ADGRG7: variants seen among roughly 807,000 people sequenced by gnomAD.
The protein encoded by ADGRG7 is adhesion G protein-coupled receptor G7, also known as G-protein coupled receptor 128.
ADGRG7 carries 82 observed loss-of-function variants against 88.6 expected under a neutral mutation model. The observed-to-expected ratio is 0.93, with a 90% CI of 0.77 to 1.11. ADGRG7 has a LOEUF of 1.11. ADGRG7 is among the 50% of genes most tolerant of loss of function. ADGRG7 has a pLI of 0.00. For missense variants in ADGRG7, 945 were observed against 953.4 expected, an observed-to-expected ratio of 0.99 and a Z score of 0.12; for synonymous variants, 381 against 345.2, an observed-to-expected ratio of 1.10 and a Z score of -1.15.
chr3:100,690,864 G>A (rs964230828), intron 15 of ADGRG7, among the ~76,000 whole-genome samples: 4 of 152,286 alleles, frequency 2.6e-5, no homozygotes, highest in South Asian at 2.1e-4. Flanking sequence ...CTCAAGCTGT[G>A]TGCTGGGAGA....
At chr3:100,649,393 T>C (rs1330557277) in intron 10 of ADGRG7, among the ~76,000 whole-genome samples, 1 of 152,224 alleles carries the variant, frequency 6.6e-6, no homozygotes, top group Non-Finnish European at 1.5e-5. Context: ...TGAGTATCCA[T>C]GGCTTTTGGC....
At chr3:100,671,931 C>G (rs9871684) in intron 15 of ADGRG7, among the ~76,000 whole-genome samples, 5,708 of 152,200 alleles carry the variant, frequency 0.038, 372 homozygotes, top group African/African-American at 0.13. Context: ...GTTTTGGTAC[C>G]AGTACCATGC....
chr3:100,636,420 C>A (rs916429276), intron 5 of ADGRG7, among the ~76,000 whole-genome samples: 6 of 152,146 alleles, frequency 3.9e-5, no homozygotes. Flanking sequence ...TTAGTCTTGG[C>A]TTTCTGAAAA....
chr3:100,652,417 T>C (rs879297756), intron 11 of ADGRG7, among the ~76,000 whole-genome samples: 14 of 152,280 alleles, frequency 9.2e-5, no homozygotes, highest in African/African-American at 2.9e-4. Flanking sequence ...ACTTTAGGCA[T>C]AGTAATAAAC....
chr3:100,674,283 G>T (rs563286522), intron 15 of ADGRG7, among the ~76,000 whole-genome samples: 54 of 152,190 alleles, frequency 3.5e-4, no homozygotes, highest in African/African-American at 1.3e-3. Flanking sequence ...GGTCTTTTGT[G>T]GTTCCATATA....
At position 100,686,151 on chromosome 3, in the gene ADGRG7, T is replaced by C. The variant is rs543034915; in HGVS notation, c.2137-8593T>C. 4.9e-3 allele frequency among the ~76,000 whole-genome samples: 743 copies of C among 151,424 alleles called. 5 individuals carry two copies. The highest frequency in any genetic ancestry group is 0.017 in the African/African-American group (700 of 41,010). On this transcript the variant is annotated intron_variant, in intron 15 of 15. Transcript: ENST00000273352. Reference sequence around the variant, plus strand: ...TGATGATGAGCATTTTTTCATGTGTTTTTTGGCTGCATAAATGTCTTCTTT... The same window carrying C: ...TGATGATGAGCATTTTTTCATGTGTCTTTTGGCTGCATAAATGTCTTCTTT...
intron 1 of ADGRG7, among the ~76,000 whole-genome samples, chr3:100,623,225 T>G (rs984327173): frequency 6.6e-6 from 1 of 152,202 alleles, no homozygotes; most frequent in African/African-American, 2.4e-5. Context: ...GAGAAGCATT[T>G]TAGTTTTAGC....
At chr3:100,689,723 A>T (rs570072462) in intron 15 of ADGRG7, among the ~76,000 whole-genome samples, 1 of 152,224 alleles carries the variant, frequency 6.6e-6, no homozygotes, top group East Asian at 1.9e-4. Context: ...TCTGGCTTGC[A>T]GAGTTTCTGC....
intron 15 of ADGRG7, among the ~76,000 whole-genome samples, chr3:100,682,613 A>T (rs1057292319): frequency 6.6e-6 from 1 of 152,182 alleles, no homozygotes; most frequent in Non-Finnish European, 1.5e-5. Flanking sequence ...GCCATGAGCC[A>T]GGCAAGGGGG....
intron 8 of ADGRG7, among the ~76,000 whole-genome samples, chr3:100,644,993 G>A (rs568091195): frequency 1.3e-5 from 2 of 152,306 alleles, no homozygotes; most frequent in South Asian, 4.1e-4. Flanking sequence ...TCCAACAATG[G>A]CCACAGAGGA....
chr3:100,690,173 T>C (rs1316961297), intron 15 of ADGRG7, among the ~76,000 whole-genome samples: 1 of 152,270 alleles, frequency 6.6e-6, no homozygotes, highest in African/African-American at 2.4e-5. Context: ...CATCAGCTAC[T>C]GAGGCTTGTG....
At chr3:100,617,342 G>T (rs1245653241) in intron 1 of ADGRG7, among the ~76,000 whole-genome samples, 6 of 151,766 alleles carry the variant, frequency 4.0e-5, no homozygotes, top group African/African-American at 1.5e-4. Flanking sequence ...TTAACATTAG[G>T]TATATCTCCT....
At chr3:100,618,807 C>A (rs968904740) in intron 1 of ADGRG7, among the ~76,000 whole-genome samples, 2 of 152,094 alleles carry the variant, frequency 1.3e-5, no homozygotes, top group African/African-American at 4.8e-5. Context: ...TTACCTTGGG[C>A]AGTATGGCCA....
rs145973729 is a variant in ADGRG7 at position 100,621,976 on chromosome 3, C to G, written c.116-7622C>G. ...ACTTCAGATCATTGGGTATTAGACT[C>G]TCATAACGAGCGTGCAACCTACATC... On this transcript the variant is annotated intron_variant, in intron 1 of 15. Coordinates refer to ENST00000273352, the MANE Select transcript of ADGRG7 (RefSeq NM_032787.3). 7.0e-4 allele frequency among the ~76,000 whole-genome samples: 107 copies of G among 152,276 alleles called. No individual in the cohort carries two copies. The East Asian group carries it at 0.014, about 19-fold the overall frequency.
chr3:100,631,727 A>C (rs1306368104), intron 3 of ADGRG7, among the ~76,000 whole-genome samples: 1 of 152,134 alleles, frequency 6.6e-6, no homozygotes, highest in Non-Finnish European at 1.5e-5. Flanking sequence ...TGTCAAGGGA[A>C]CTCTGAAGCA....
rs1235320088 is a variant in ADGRG7 at position 100,629,624 on chromosome 3, C to G, written c.142C>G (p.Pro48Ala). ...AAAATCTACTTCCTCATCAAGCACC[C>G]CTACAGAGTTCTGCAGGAATGGTGG... ...RGKSTSSSST[P>A]TEFCRNGGTW... The change falls in exon 2 of 16, where the codon CCT (proline) becomes GCT (alanine). Residue 48 changes from proline (P) to alanine (A), a missense_variant. By Grantham distance (27) the Pro-to-Ala change is conservative (BLOSUM62 -1). Transcript: ENST00000273352. 6.2e-7 allele frequency: 1 copy of G among 1,612,960 alleles called. No individual in the cohort carries two copies. The highest frequency in any genetic ancestry group is 8.5e-7 in the Non-Finnish European group (1 of 1,179,200).
rs115486696 is a variant in ADGRG7, at chr3:100,652,205, G to A, written c.1379+2398G>A. On this transcript the variant is annotated intron_variant, in intron 11 of 15. Coordinates refer to ENST00000273352, the MANE Select transcript of ADGRG7 (RefSeq NM_032787.3). ...CTCTCAATAGATTTAATGAAATTTT[G>A]AATTGTCCAGAAATCTCAACTAAAA... 3.5e-3 allele frequency among the ~76,000 whole-genome samples: 529 copies of A among 152,106 alleles called. 5 individuals are homozygous for A. The highest frequency in any genetic ancestry group is 5.1e-3 in the Non-Finnish European group (350 of 68,002).
chr3:100,611,430 A>G lies in ADGRG7; in HGVS notation c.115+1459A>G, dbSNP rs907258012. Among the ~76,000 whole-genome samples, 8 of 152,144 alleles carry G rather than the reference A, an allele frequency of 5.3e-5. No individual in the cohort carries two copies. In the South Asian group the frequency reaches 1.2e-3, roughly 24 times the overall value. ...TAAAGGACACAGTTATAGCAAAACC[A>G]TTAAAAACAAGGACCAAAGTACAAA... On this transcript the variant is annotated intron_variant, in intron 1 of 15. Transcript: ENST00000273352.
At chr3:100,679,067 G>A (rs1446776688) in intron 15 of ADGRG7, among the ~76,000 whole-genome samples, 1 of 152,298 alleles carries the variant, frequency 6.6e-6, no homozygotes, top group African/African-American at 2.4e-5. Flanking sequence ...CCTGTCCCCA[G>A]GTCGGTCCAG....
Sources: gnomAD v4.1 joint callset for allele counts (sites outside exome capture counted in the v4.1 genomes callset) on GRCh38, gnomAD v4.1.1 for gene constraint, MANE v1.5 for transcripts, NCBI Gene and HGNC (gene_info 2026-07-23, HGNC 2026-07-21) for gene names.